Variants in ATP6V1C1 observed in about 807,000 individuals in gnomAD.
ATP6V1C1 encodes ATPase H+ transporting V1 subunit C1, also known as V-type proton ATPase subunit C 1.
A neutral mutation model predicts 53.9 loss-of-function variants in ATP6V1C1; 45 were observed. The observed-to-expected ratio is 0.83, with a 90% confidence interval of 0.66 to 1.07. The LOEUF is 1.07. Among genes scored for constraint, ATP6V1C1 ranks in the 50% least tolerant of loss-of-function variants. The pLI is 0.00. For synonymous variants in ATP6V1C1, 153 were observed against 155.2 expected, an observed-to-expected ratio of 0.99 and a Z score of 0.11; for missense variants, 315 against 440.3, an observed-to-expected ratio of 0.72 and a Z score of 2.55.
At position 103,041,363 on chromosome 8, in the gene ATP6V1C1, C is replaced by T; in HGVS notation, c.132+395C>T. On this transcript the variant is annotated intron_variant, in intron 2 of 12. Coordinates refer to ENST00000518738, the MANE Select transcript of ATP6V1C1 (RefSeq NM_001695.5). ...TTACCATGGCACCTACTTAATCACACTTGGCAAATCTAACCCAGTTATTTA... is the reference window on the plus strand; with the variant it reads ...TTACCATGGCACCTACTTAATCACATTTGGCAAATCTAACCCAGTTATTTA... Among the ~76,000 whole-genome samples, 2 of 152,164 alleles carry T rather than the reference C, an allele frequency of 1.3e-5. 1 individual carries two copies. Among genetic ancestry groups the T allele is most frequent in the Non-Finnish European group, 2.9e-5 (2 of 68,030 alleles).
intron 3 of ATP6V1C1, among the ~76,000 whole-genome samples, chr8:103,045,946 AAAAAG>A (rs1012484237): frequency 3.3e-5 from 5 of 152,070 alleles, no homozygotes; most frequent in African/African-American, 9.7e-5. Flanking sequence ...GTTTCAAAAA[AAAAAG>A]AAAAGAAAAA....
At chr8:103,064,064 A>G (rs1209816782) in intron 10 of ATP6V1C1, among the ~76,000 whole-genome samples, 1 of 152,196 alleles carries the variant, frequency 6.6e-6, no homozygotes, top group Admixed American at 6.5e-5. Context: ...TGTTTGGTAC[A>G]TCCAAATGAG....
intron 2 of ATP6V1C1, among the ~76,000 whole-genome samples, chr8:103,041,963 G>A (rs561499011): frequency 1.6e-4 from 25 of 152,212 alleles, no homozygotes; most frequent in African/African-American, 4.8e-4. Context: ...CCTCCAAAAC[G>A]TACTCACTTA....
chr8:103,053,131 A>G (rs1036807802), intron 6 of ATP6V1C1, among the ~76,000 whole-genome samples: 2 of 152,032 alleles, frequency 1.3e-5, no homozygotes. Context: ...TTTAAATGAA[A>G]TCATAGTTTA....
chr8:103,060,650 C>T (rs1817380930), intron 8 of ATP6V1C1, among the ~76,000 whole-genome samples: 1 of 152,134 alleles, frequency 6.6e-6, no homozygotes, highest in African/African-American at 2.4e-5. Flanking sequence ...AGTAAGGACT[C>T]GTGGTTTATT....
intron 8 of ATP6V1C1, among the ~76,000 whole-genome samples, chr8:103,057,681 C>T (rs1036744523): frequency 9.9e-5 from 15 of 152,124 alleles, no homozygotes; most frequent in African/African-American, 3.4e-4. Context: ...TTTTCTTTGT[C>T]TGTAAATGGA....
At chr8:103,042,762 G>A (rs181079967) in intron 3 of ATP6V1C1, among the ~76,000 whole-genome samples, 10 of 152,172 alleles carry the variant, frequency 6.6e-5, no homozygotes, top group African/African-American at 2.4e-4. Context: ...GTTCCCATTA[G>A]CAGTCACTTA....
At chr8:103,057,207 A>C (rs979699447) in intron 8 of ATP6V1C1, among the ~76,000 whole-genome samples, 1 of 152,210 alleles carries the variant, frequency 6.6e-6, no homozygotes, top group Non-Finnish European at 1.5e-5. Flanking sequence ...TAACTCCTAC[A>C]AGTTTCCCAT....
chr8:103,042,538 C>T lies in ATP6V1C1; in HGVS notation c.200+131C>T, dbSNP rs189143176. The T allele has an allele frequency of 5.0e-3, 3,653 of 732,930 alleles. 14 individuals carry two copies. Among genetic ancestry groups the T allele is most frequent in the Non-Finnish European group, 6.8e-3 (3,089 of 454,494 alleles). The allele number at this position is 732,930 out of a possible 1,614,324, so 45.4% of individuals were successfully genotyped here. On this transcript the variant is annotated intron_variant, in intron 3 of 12. Transcript: ENST00000518738. ...TTTTAGAAAACGACTTTTTTCCCTTCGTATATCAATTTTATGAAGGTACAA... is the reference window on the plus strand; with the variant it reads ...TTTTAGAAAACGACTTTTTTCCCTTTGTATATCAATTTTATGAAGGTACAA...
chr8:103,047,353 AC>A (rs1429125989), intron 3 of ATP6V1C1, among the ~76,000 whole-genome samples: 1 of 149,490 alleles, frequency 6.7e-6, no homozygotes, highest in Non-Finnish European at 1.5e-5. Flanking sequence ...GCTGCAATGC[AC>A]TGTGATTGCA....
chr8:103,029,167 A>G (rs1310007823), intron 1 of ATP6V1C1, among the ~76,000 whole-genome samples: 1 of 152,062 alleles, frequency 6.6e-6, no homozygotes, highest in African/African-American at 2.4e-5. Context: ...CGGCATAGCT[A>G]GGCCAAAGGA....
At chr8:103,062,037 C>T (rs919442369) in intron 8 of ATP6V1C1, among the ~76,000 whole-genome samples, 4 of 152,054 alleles carry the variant, frequency 2.6e-5, no homozygotes, top group Non-Finnish European at 5.9e-5. Context: ...CTAGTGATGT[C>T]CATGGAGCTG....
At chr8:103,061,753 C>T (rs1459817611) in intron 8 of ATP6V1C1, among the ~76,000 whole-genome samples, 1 of 152,132 alleles carries the variant, frequency 6.6e-6, no homozygotes, top group Non-Finnish European at 1.5e-5. Context: ...AGAAGAACTC[C>T]AGTATGTGAA....
At chr8:103,025,578 T>C (rs1816681609) in intron 1 of ATP6V1C1, among the ~76,000 whole-genome samples, 1 of 152,244 alleles carries the variant, frequency 6.6e-6, no homozygotes, top group African/African-American at 2.4e-5. Flanking sequence ...TATCCTAATA[T>C]TTCTTTGAGG....
At chr8:103,041,047 A>G (rs1457953868) in intron 2 of ATP6V1C1, 79 bp downstream of exon 2, 9 of 1,475,128 alleles carry the variant, frequency 6.1e-6, no homozygotes, top group African/African-American at 1.4e-5. Context: ...TGGAAATGAG[A>G]TACCCAGGTT....
At chr8:103,038,734 A>G (rs1816942063) in intron 1 of ATP6V1C1, among the ~76,000 whole-genome samples, 1 of 152,252 alleles carries the variant, frequency 6.6e-6, no homozygotes, top group African/African-American at 2.4e-5. Flanking sequence ...GGAAAAGAAT[A>G]TGATAGTATA....
At chr8:103,033,416 C>G (rs748599623) in intron 1 of ATP6V1C1, among the ~76,000 whole-genome samples, 6 of 152,206 alleles carry the variant, frequency 3.9e-5, no homozygotes, top group Non-Finnish European at 7.3e-5. Flanking sequence ...GATGTTATCT[C>G]ATTTAATCCT....
Position 103,071,562 on chromosome 8 carries a change from T to C in ATP6V1C1, c.*2815T>C, listed in dbSNP as rs1033152287. 1.3e-5 allele frequency: 2 copies of C among 152,296 alleles called. No individual in the cohort carries two copies. The highest frequency in any genetic ancestry group is 2.9e-5 in the Non-Finnish European group (2 of 68,120). 9.4% of individuals were successfully genotyped at this position (152,296 alleles called of 1,614,324 possible). A position where few individuals can be genotyped will look rare whatever the true frequency, so the allele number is the denominator to read the frequency against. On this transcript the variant is annotated 3_prime_UTR_variant, in exon 13 of 13. Transcript: ENST00000518738. ...GATGGACAATGGTATAGGAAAGATA[T>C]TCGGTATGGAGAATCAGATGTTAAC... is the stretch of plus-strand genomic sequence containing the variant.
rs1219425279 is a variant in ATP6V1C1 at position 103,069,598 on chromosome 8, A to G, written c.*851A>G. ...AGTCATTTGTTTTGTCTAAGTCTGT[A>G]TTTTATGTGTTGTCTTCTTAAGATC... On this transcript the variant is annotated 3_prime_UTR_variant, in exon 13 of 13. Transcript: ENST00000518738. The G allele has an allele frequency of 2.0e-5, 3 of 152,174 alleles. No individual in the cohort carries two copies. Among genetic ancestry groups the G allele is most frequent in the African/African-American group, 7.2e-5 (3 of 41,440 alleles). 9.4% of individuals were successfully genotyped at this position (152,174 alleles called of 1,614,324 possible). A position where few individuals can be genotyped will look rare whatever the true frequency, so the allele number is the denominator to read the frequency against.
Sources: gnomAD v4.1 joint callset for allele counts (sites outside exome capture counted in the v4.1 genomes callset) on GRCh38, gnomAD v4.1.1 for gene constraint, MANE v1.5 for transcripts, NCBI Gene and HGNC (gene_info 2026-07-23, HGNC 2026-07-21) for gene names.